CNTN4: variants seen among roughly 807,000 people sequenced by gnomAD.
The protein encoded by CNTN4 is contactin-4.
Under a neutral mutation model 122.5 loss-of-function variants are expected in CNTN4, and 77 were observed. The ratio of observed to expected loss-of-function variants is 0.63; its 90% CI spans 0.52 to 0.76. CNTN4 has a LOEUF of 0.76. Among genes scored for constraint, CNTN4 ranks in the 30% least tolerant of loss-of-function variants. The pLI is 0.00. For synonymous variants in CNTN4, 512 were observed against 447.0 expected (o/e 1.15, Z -1.83); for missense variants, 1,256 against 1,259.1 (o/e 1.00, Z 0.04).
intron 10 of CNTN4, among the ~76,000 whole-genome samples, chr3:2,898,115 C>G (rs1450700000): frequency 6.6e-6 from 1 of 152,162 alleles, no homozygotes; most frequent in Non-Finnish European, 1.5e-5. Flanking sequence ...TTCATCCAAT[C>G]TAAGTGAGCA....
intron 2 of CNTN4, among the ~76,000 whole-genome samples, chr3:2,220,707 A>C (rs1219383587): frequency 6.6e-6 from 1 of 152,148 alleles, no homozygotes; most frequent in Non-Finnish European, 1.5e-5. Context: ...TTACATAGAT[A>C]ATAATTGCAA....
chr3:2,378,688 C>T (rs781782729), intron 3 of CNTN4, among the ~76,000 whole-genome samples: 5 of 151,950 alleles, frequency 3.3e-5, no homozygotes, highest in Non-Finnish European at 5.9e-5. Flanking sequence ...AATGAGACTC[C>T]AGATCTAACT....
intron 2 of CNTN4, among the ~76,000 whole-genome samples, chr3:2,192,346 A>G (rs13086702): frequency 0.28 from 43,040 of 151,694 alleles, 7,784 homozygotes; most frequent in Non-Finnish European, 0.42. Context: ...AGTCCCACCA[A>G]CAGTGTAAAA....
intron 4 of CNTN4, among the ~76,000 whole-genome samples, chr3:2,708,756 C>CAG (rs1231533842): frequency 2.2e-5 from 2 of 91,536 alleles, no homozygotes; most frequent in Admixed American, 1.2e-4. Context: ...CACACACACA[C>CAG]ACACACACAC....
At chr3:2,122,722 A>T (rs963531978) in intron 2 of CNTN4, among the ~76,000 whole-genome samples, 8 of 152,244 alleles carry the variant, frequency 5.3e-5, no homozygotes, top group Non-Finnish European at 8.8e-5. Context: ...TACATTCTCA[A>T]AACAAGGTTG....
At chr3:2,869,842 A>C (rs1309738564) in intron 8 of CNTN4, among the ~76,000 whole-genome samples, 1 of 152,220 alleles carries the variant, frequency 6.6e-6, no homozygotes, top group Non-Finnish European at 1.5e-5. Flanking sequence ...CTTAAAGAGA[A>C]AAGTAAGTAA....
chr3:2,981,402 G>GC (rs1205285991), intron 13 of CNTN4, among the ~76,000 whole-genome samples: 9 of 151,290 alleles, frequency 5.9e-5, no homozygotes, highest in Non-Finnish European at 2.9e-5. Flanking sequence ...CGAGATCGCA[G>GC]CACTGCACTC....
chr3:2,103,393 G>A (rs2032156826), intron 2 of CNTN4, among the ~76,000 whole-genome samples: 1 of 152,170 alleles, frequency 6.6e-6, no homozygotes, highest in Non-Finnish European at 1.5e-5. Context: ...GATATTTAAA[G>A]TAACTCCCCC....
At chr3:2,938,764 G>C (rs1450242299) in intron 13 of CNTN4, among the ~76,000 whole-genome samples, 4 of 152,168 alleles carry the variant, frequency 2.6e-5, no homozygotes, top group Non-Finnish European at 1.5e-5. Context: ...TCAGGGCTGG[G>C]TTAGAACCAT....
At chr3:3,055,108 T>G (rs1701664496) in intron 24 of CNTN4, among the ~76,000 whole-genome samples, 1 of 152,198 alleles carries the variant, frequency 6.6e-6, no homozygotes, top group Admixed American at 6.5e-5. Context: ...GCATCTTTTT[T>G]GCATACAAAC....
intron 3 of CNTN4, among the ~76,000 whole-genome samples, chr3:2,550,697 A>G (rs1342281786): frequency 1.3e-5 from 2 of 152,156 alleles, no homozygotes; most frequent in Admixed American, 1.3e-4. Context: ...CTTGGAACCA[A>G]CCCAAATGTC....
chr3:2,195,766 G>C (rs187065744), intron 2 of CNTN4, among the ~76,000 whole-genome samples: 64 of 152,252 alleles, frequency 4.2e-4, no homozygotes, highest in African/African-American at 1.3e-3. Flanking sequence ...AAAGGAGCTT[G>C]GCTTCCTAAT....
chr3:2,933,625 A>G (rs1421737737), intron 13 of CNTN4, among the ~76,000 whole-genome samples: 1 of 152,088 alleles, frequency 6.6e-6, no homozygotes, highest in Admixed American at 6.6e-5. Flanking sequence ...CCCCCATCCC[A>G]CCACTCTGAC....
chr3:2,440,057 C>G (rs961810065), intron 3 of CNTN4, among the ~76,000 whole-genome samples: 6 of 152,114 alleles, frequency 3.9e-5, no homozygotes, highest in African/African-American at 1.4e-4. Context: ...ACCTGAAGAG[C>G]AGTTTTCTTT....
chr3:2,826,256 G>A (rs1315682323), intron 7 of CNTN4, among the ~76,000 whole-genome samples: 3 of 152,148 alleles, frequency 2.0e-5, no homozygotes, highest in African/African-American at 7.2e-5. Flanking sequence ...GATGGCAGGG[G>A]ATCCTCTGGC....
Position 2,621,282 on chromosome 3 carries a change from T to C in CNTN4, c.55+49724T>C, listed in dbSNP as rs73805361. Among the ~76,000 whole-genome samples the C allele has an allele frequency of 5.8e-3, 888 of 152,360 alleles. 11 individuals are homozygous for C. Among genetic ancestry groups the C allele is most frequent in the African/African-American group, 0.02 (851 of 41,588 alleles). On this transcript the variant is annotated intron_variant, in intron 4 of 24. Transcript: ENST00000418658. Reference sequence around the variant, plus strand: ...CATTCTGGAAGGAAGTATTCTGTTCTGCCTATGCTCCTTTCCACAAGTTTT... The same window carrying C: ...CATTCTGGAAGGAAGTATTCTGTTCCGCCTATGCTCCTTTCCACAAGTTTT...
chr3:2,424,981 G>C (rs919536866), intron 3 of CNTN4, among the ~76,000 whole-genome samples: 1 of 152,176 alleles, frequency 6.6e-6, no homozygotes, highest in Non-Finnish European at 1.5e-5. Context: ...CCATTTGTCA[G>C]ATGGGTAGAT....
chr3:2,222,294 G>A (rs550673203), intron 2 of CNTN4, among the ~76,000 whole-genome samples: 34 of 152,234 alleles, frequency 2.2e-4, no homozygotes, highest in African/African-American at 8.2e-4. Flanking sequence ...GTAGTCACAA[G>A]GGATCACATA....
intron 4 of CNTN4, among the ~76,000 whole-genome samples, chr3:2,610,819 G>C (rs913990675): frequency 5.9e-5 from 9 of 152,088 alleles, no homozygotes; most frequent in Non-Finnish European, 1.2e-4. Flanking sequence ...AGAATACGGT[G>C]GCGTTTTCCA....
Sources: allele counts gnomAD v4.1 joint callset (sites outside exome capture counted in the v4.1 genomes callset), GRCh38; gene constraint gnomAD v4.1.1; transcripts MANE v1.5; gene names NCBI Gene and HGNC (gene_info 2026-07-23, HGNC 2026-07-21).